Variants in REEP2 observed in about 807,000 individuals in gnomAD.
REEP2 encodes receptor accessory protein 2.
In REEP2, 9 loss-of-function variants were observed where a neutral mutation model predicts 32.1. That is an observed-to-expected ratio of 0.28 (90% CI 0.17 to 0.49). REEP2 has a LOEUF of 0.49. Ranked by LOEUF, REEP2 falls within the 20% of genes least tolerant of loss-of-function variation. The pLI is 0.99. For synonymous variants in REEP2, 128 were observed against 139.1 expected, an observed-to-expected ratio of 0.92 and a Z score of 0.56; for missense variants, 236 against 338.0, an observed-to-expected ratio of 0.70 and a Z score of 2.37.
At chr5:138,442,144 A>G (rs558259544) in intron 3 of REEP2, among the ~76,000 whole-genome samples, 1 of 152,268 alleles carries the variant, frequency 6.6e-6, no homozygotes, top group South Asian at 2.1e-4. Context: ...TTTCCAAGGC[A>G]TTTTCCAGGC....
rs12516269 is a variant in REEP2, at chr5:138,441,580, A to G, written c.182+119A>G. Reference sequence around the variant, plus strand: ...AGCTCCTCCCATTCCTGACAATTTCATGGGGTCCTTGATATCTCCCCTCTC... The same window carrying G: ...AGCTCCTCCCATTCCTGACAATTTCGTGGGGTCCTTGATATCTCCCCTCTC... On this transcript the variant is annotated intron_variant, in intron 3 of 7. Transcript: ENST00000378339. The surrounding 1 kb of genome is among the most constrained non-coding windows in gnomAD (Gnocchi z 4.4). The G allele has an allele frequency of 0.38, 315,889 of 836,820 alleles. 63,434 individuals carry two copies. Among genetic ancestry groups the G allele is most frequent in the South Asian group, 0.55 (38,053 of 69,250 alleles). The allele number at this position is 836,820 out of a possible 1,614,324, so 51.8% of individuals were successfully genotyped here.
rs1763831488 is a variant in REEP2, at chr5:138,441,829, A to G, written c.182+368A>G. On this transcript the variant is annotated intron_variant, in intron 3 of 7. Coordinates refer to ENST00000378339, the MANE Select transcript of REEP2 (RefSeq NM_001271803.2). This position sits in a 1 kb window ranked among gnomAD's most constrained non-coding sequence, Gnocchi z 4.4. Reference sequence around the variant, plus strand: ...GTAATCCCAGCTACTAGGGAGGCTGAGGCAAGAGAATTGCTTGAACCCAGG... The same window carrying G: ...GTAATCCCAGCTACTAGGGAGGCTGGGGCAAGAGAATTGCTTGAACCCAGG... Among the ~76,000 whole-genome samples, 1 of 152,116 alleles carries G rather than the reference A, an allele frequency of 6.6e-6. No homozygotes were observed. Among genetic ancestry groups the G allele is most frequent in the African/African-American group, 2.4e-5 (1 of 41,430 alleles).
In REEP2 at chr5:138,441,484, G is replaced by A. The variant is rs746984287; in HGVS notation, c.182+23G>A. The stretch of plus-strand genomic sequence containing the variant: ...CTGGTGAGGTCCAGCGTCCCCTCCT[G>A]TATCTCAGGGCCCAGGGCCTCTGCC... On this transcript the variant is annotated intron_variant, in intron 3 of 7. Coordinates refer to ENST00000378339, the MANE Select transcript of REEP2 (RefSeq NM_001271803.2). The surrounding 1 kb of genome is among the most constrained non-coding windows in gnomAD (Gnocchi z 4.4). 6.2e-7 allele frequency: 1 copy of A among 1,604,950 alleles called. No homozygotes were observed. The highest frequency in any genetic ancestry group is 2.2e-5 in the East Asian group (1 of 44,824).
In REEP2 at chr5:138,444,523, C is replaced by T. The variant is rs1010381959; in HGVS notation, c.291C>T (p.Ser97=). 5.6e-6 allele frequency: 9 copies of T among 1,614,024 alleles called. No homozygotes were observed. The highest frequency in any genetic ancestry group is 7.6e-6 in the Non-Finnish European group (9 of 1,179,932). ...GCAAGTTCGTGCACCCAACGCTGTC[C>T]AACAAGGAGAAGGTTTGCCCCCACT... ...LYRKFVHPTL[S]NKEKEIDEYI... Residue 97 remains serine, a synonymous_variant, in exon 4 of 8, where the codon TCC becomes TCT. Transcript: ENST00000378339.
In REEP2 at chr5:138,441,797, C is replaced by T. The variant is rs1315169740; in HGVS notation, c.182+336C>T. 6.6e-6 allele frequency among the ~76,000 whole-genome samples: 1 copy of T among 151,998 alleles called. No individual in the cohort carries two copies. The highest frequency in any genetic ancestry group is 2.1e-4 in the South Asian group (1 of 4,808). On this transcript the variant is annotated intron_variant, in intron 3 of 7. Transcript: ENST00000378339. The surrounding 1 kb of genome is among the most constrained non-coding windows in gnomAD (Gnocchi z 4.4). ...AAAAAAAAATAGCTGGGCATGGTGG[C>T]GCCCCTGTAATCCCAGCTACTAGGG...
At position 138,445,383 on chromosome 5, in the gene REEP2, C is replaced by A. The variant is rs780793597; in HGVS notation, c.565+8C>A. ...ACACCATCGAGGACTTAGGTACAGG[C>A]AGGGCCCGGGGTTGGGGTGGGGCCC... On this transcript the variant is annotated splice_region_variant and intron_variant, in intron 6 of 7. Transcript: ENST00000378339. The A allele has an allele frequency of 5.6e-6, 9 of 1,611,674 alleles. No individual in the cohort carries two copies. In the African/African-American group the frequency reaches 1.2e-4, roughly 22 times the overall value.
intron 5 of REEP2, 115 bp from the exon 6 acceptor site, chr5:138,445,113 G>A (rs1763900891): frequency 2.5e-6 from 3 of 1,191,256 alleles, no homozygotes; most frequent in Non-Finnish European, 3.5e-6. Flanking sequence ...GTGGGACTGG[G>A]TGAGGACAGT....
chr5:138,444,877 G>A lies in REEP2; in HGVS notation c.417+10G>A, dbSNP rs375005458. The A allele has an allele frequency of 6.2e-6, 10 of 1,600,382 alleles. No individual in the cohort carries two copies. The African/African-American group carries it at 1.2e-4, about 19-fold the overall frequency. Reference sequence around the variant, plus strand: ...CACAGCTGCCGCCAAGGTGAGATGGGGGCAGGCTCAGACTCCCAGGGCCCC... The same window carrying A: ...CACAGCTGCCGCCAAGGTGAGATGGAGGCAGGCTCAGACTCCCAGGGCCCC... On this transcript the variant is annotated intron_variant, in intron 5 of 7. Coordinates refer to ENST00000378339, the MANE Select transcript of REEP2 (RefSeq NM_001271803.2).
chr5:138,445,375 G>C lies in REEP2; in HGVS notation c.565G>C (p.Gly189Arg). ...GSLLDTIEDL[G>R]DDPALSLRSS... ...CCTCCTGGACACCATCGAGGACTTA[G>C]GTACAGGCAGGGCCCGGGGTTGGGG... The change falls in exon 6 of 8, where the codon GGA (glycine) becomes CGA (arginine). Residue 189 changes from glycine to arginine, a missense_variant and splice_region_variant. Transcript: ENST00000378339. 1 of 1,612,208 alleles carries C rather than the reference G, an allele frequency of 6.2e-7. No individual in the cohort carries two copies. Among genetic ancestry groups the C allele is most frequent in the South Asian group, 1.1e-5 (1 of 90,898 alleles).
chr5:138,442,162 G>T (rs1763838012), intron 3 of REEP2, among the ~76,000 whole-genome samples: 1 of 152,182 alleles, frequency 6.6e-6, no homozygotes, highest in African/African-American at 2.4e-5. Context: ...GGCTGTACTA[G>T]ACTACGTATG....
chr5:138,439,328 C>A, intron 1 of REEP2, 88 bp downstream of exon 1: 10 of 1,301,936 alleles, frequency 7.7e-6, no homozygotes, highest in Non-Finnish European at 8.2e-6. Flanking sequence ...AAGCTTCGTG[C>A]AGCAGAGTCA....
chr5:138,444,352 G>T, intron 3 of REEP2, 63 bp from the exon 4 acceptor site: 2 of 1,581,088 alleles, frequency 1.3e-6, no homozygotes, highest in Non-Finnish European at 8.6e-7. Flanking sequence ...GGCCGGTGCT[G>T]CTGGACACAG....
At position 138,445,324 on chromosome 5, in the gene REEP2, G is replaced by A. The variant is rs776897232; in HGVS notation, c.514G>A (p.Gly172Ser). 54 of 1,613,456 alleles carry A rather than the reference G, an allele frequency of 3.3e-5. 1 individual carries two copies. The highest frequency in any genetic ancestry group is 1.5e-4 in the South Asian group (14 of 91,058). The change falls in exon 6 of 8, where the codon GGC becomes AGC. Residue 172 changes from glycine (G) to serine (S), a missense_variant. Physicochemically the swap from Gly to Ser is moderately conservative, Grantham distance 56 (BLOSUM62 0). Coordinates refer to ENST00000378339, the MANE Select transcript of REEP2 (RefSeq NM_001271803.2). ...EDALPLQRPD[G>S]RLRPSPGSLL... Reference sequence around the variant, plus strand: ...CGCACTGCCCCTGCAGAGGCCTGACGGCCGCCTCCGACCCAGCCCTGGCAG... The same window carrying A: ...CGCACTGCCCCTGCAGAGGCCTGACAGCCGCCTCCGACCCAGCCCTGGCAG...
chr5:138,439,286 C>T (rs1394723551), intron 1 of REEP2, 46 bp downstream of exon 1: 3 of 1,428,680 alleles, frequency 2.1e-6, no homozygotes, highest in South Asian at 1.6e-5. Flanking sequence ...TGATGGAGGG[C>T]GGGGGTGTTA....
intron 1 of REEP2, 163 bp from the exon 2 acceptor site, chr5:138,440,853 C>A: frequency 7.3e-7 from 1 of 1,363,638 alleles, no homozygotes. Flanking sequence ...CCTGGCTGGG[C>A]ATGTTCCATG....
chr5:138,442,673 G>T (rs1402574308), intron 3 of REEP2, among the ~76,000 whole-genome samples: 3 of 152,120 alleles, frequency 2.0e-5, no homozygotes, highest in Non-Finnish European at 4.4e-5. Context: ...GTCCAATACG[G>T]TGAAACCCCA....
Position 138,446,043 on chromosome 5 carries a change from C to T in REEP2, c.*292C>T. 1 of 446,676 alleles carries T rather than the reference C, an allele frequency of 2.2e-6. No homozygotes were observed. The highest frequency in any genetic ancestry group is 4.0e-6 in the Non-Finnish European group (1 of 249,658). 27.7% of individuals were successfully genotyped at this position (446,676 alleles called of 1,614,324 possible). A position where few individuals can be genotyped will look rare whatever the true frequency, so the allele number is the denominator to read the frequency against. On this transcript the variant is annotated 3_prime_UTR_variant, in exon 8 of 8. Coordinates refer to ENST00000378339, the MANE Select transcript of REEP2 (RefSeq NM_001271803.2). Reference sequence around the variant, plus strand: ...CACCGCTGTTCCGCTGCAGCCCCGCCCTGCCCCACCCACCCAGTGCCTTGC... The same window carrying T: ...CACCGCTGTTCCGCTGCAGCCCCGCTCTGCCCCACCCACCCAGTGCCTTGC...
chr5:138,442,571 C>T (rs2127023139), intron 3 of REEP2, among the ~76,000 whole-genome samples: 1 of 151,690 alleles, frequency 6.6e-6, no homozygotes, highest in African/African-American at 2.4e-5. Context: ...ATTAGCTAGG[C>T]ATGGCAGGGC....
Position 138,445,141 on chromosome 5 carries a change from C to T in REEP2, c.418-87C>T, listed in dbSNP as rs992681118. 29 of 1,435,246 alleles carry T rather than the reference C, an allele frequency of 2.0e-5. No individual in the cohort carries two copies. In the African/African-American group the frequency reaches 2.7e-4, roughly 13 times the overall value. The allele number at this position is 1,435,246 out of a possible 1,614,324, so 88.9% of individuals were successfully genotyped here. The stretch of plus-strand genomic sequence containing the variant: ...AGGACAGTGTGGGGAGGGCACCGAG[C>T]CTGGGGCTGCTGCCAGCACCATGGT... On this transcript the variant is annotated intron_variant, in intron 5 of 7. Coordinates refer to ENST00000378339, the MANE Select transcript of REEP2 (RefSeq NM_001271803.2).
Sources: gnomAD v4.1 joint callset for allele counts (sites outside exome capture counted in the v4.1 genomes callset) on GRCh38, gnomAD v4.1.1 for gene constraint, Gnocchi (gnomAD v3.1) non-coding constraint, MANE v1.5 for transcripts, NCBI Gene and HGNC (gene_info 2026-07-23, HGNC 2026-07-21) for gene names.